The following RASSF5 variants were observed in gnomAD, a reference collection of about 807,000 sequenced individuals.
RASSF5 encodes the protein ras association domain-containing protein 5.
A neutral mutation model predicts 40.5 loss-of-function variants in RASSF5; 25 were observed. The observed-to-expected ratio is 0.62, with a 90% CI of 0.45 to 0.86. The LOEUF (loss-of-function observed/expected upper bound fraction) is 0.86. Ranked by LOEUF, RASSF5 falls within the 40% of genes least tolerant of loss-of-function variation. The pLI, the probability that RASSF5 is intolerant of heterozygous loss-of-function variation, is 0.00. For missense variants in RASSF5, 521 were observed against 572.8 expected (o/e 0.91, Z 0.92); for synonymous variants, 246 against 252.4 (o/e 0.97, Z 0.24).
In RASSF5 at chr1:206,529,590, A is replaced by G. The variant is rs190435103; in HGVS notation, c.458-8582A>G. 558 of 785,246 alleles carry G rather than the reference A, an allele frequency of 7.1e-4. 6 individuals are homozygous for G. The highest frequency in any genetic ancestry group is 4.8e-5 in the Non-Finnish European group (21 of 438,460). The allele number at this position is 785,246 out of a possible 1,614,324, so 48.6% of individuals were successfully genotyped here. ...AGCTATCAGGACCGATTACAATGAC[A>G]GATACAATGACATCCACTGTCACTG... is the stretch of plus-strand genomic sequence containing the variant. On this transcript the variant is annotated intron_variant, in intron 1 of 5. Coordinates refer to ENST00000579436, the MANE Select transcript of RASSF5 (RefSeq NM_182663.4).
At chr1:206,553,735 G>T (rs1463113851) in intron 2 of RASSF5, among the ~76,000 whole-genome samples, 1 of 152,196 alleles carries the variant, frequency 6.6e-6, no homozygotes, top group African/African-American at 2.4e-5. Context: ...ACCCCAGGAA[G>T]CTGAAAGGAA....
intron 2 of RASSF5, among the ~76,000 whole-genome samples, chr1:206,566,861 G>C (rs1553403471): frequency 1.3e-5 from 2 of 152,160 alleles, no homozygotes; most frequent in Admixed American, 6.5e-5. Context: ...ACCATAGCTT[G>C]TTCATCACTG....
chr1:206,572,863 T>C (rs1354457913), intron 2 of RASSF5, among the ~76,000 whole-genome samples: 1 of 152,206 alleles, frequency 6.6e-6, no homozygotes, highest in Non-Finnish European at 1.5e-5. Flanking sequence ...CAAAAGTTCT[T>C]AGGACCCATG....
intron 1 of RASSF5, among the ~76,000 whole-genome samples, chr1:206,510,163 T>C (rs1553394441): frequency 6.6e-6 from 1 of 152,260 alleles, no homozygotes; most frequent in African/African-American, 2.4e-5. Flanking sequence ...CCAAACTCGC[T>C]GAGCATCTTT....
intron 2 of RASSF5, among the ~76,000 whole-genome samples, chr1:206,561,235 T>C (rs1278678278): frequency 6.6e-6 from 1 of 152,198 alleles, no homozygotes; most frequent in Non-Finnish European, 1.5e-5. Context: ...AGGCCACACA[T>C]CTGTTTGGGT....
intron 2 of RASSF5, among the ~76,000 whole-genome samples, chr1:206,570,449 G>A (rs1553404034): frequency 6.6e-6 from 1 of 151,986 alleles, no homozygotes; most frequent in African/African-American, 2.4e-5. Context: ...ACCTCACATT[G>A]TTGTACAACC....
In RASSF5 at chr1:206,528,960, G is replaced by A. The variant is rs114698757; in HGVS notation, c.458-9212G>A. ...CAAGGGGAAGAAGGTGGCTCCTGTC[G>A]TGAAGAAGCAGGAGGCCAAGGAAGT... is the stretch of plus-strand genomic sequence containing the variant. On this transcript the variant is annotated intron_variant, in intron 1 of 5. Transcript: ENST00000579436. The A allele has an allele frequency of 3.0e-3, 1,955 of 661,046 alleles. 31 individuals carry two copies. In the African/African-American group the frequency reaches 0.032, roughly 11 times the overall value. 40.9% of individuals were successfully genotyped at this position (661,046 alleles called of 1,614,324 possible).
At chr1:206,545,870 GT>G (rs1207071768) in intron 2 of RASSF5, among the ~76,000 whole-genome samples, 15 of 143,736 alleles carry the variant, frequency 1.0e-4, no homozygotes, top group East Asian at 1.0e-3. Context: ...GTTGGATCTT[GT>G]TTTTTTTTAA....
At chr1:206,546,087 CTATTTTTTTTTTTTTTTTTTTT>C (rs1667680042) in intron 2 of RASSF5, among the ~76,000 whole-genome samples, 12 of 26,440 alleles carry the variant, frequency 4.5e-4, no homozygotes, top group African/African-American at 1.7e-3. Flanking sequence ...TCTTCTTTTT[CTATTTTTTTTTTTTTTTTTTTT>C]TTTTTTTTTT....
intron 2 of RASSF5, among the ~76,000 whole-genome samples, chr1:206,548,909 G>A (rs1462711172): frequency 2.6e-5 from 4 of 151,742 alleles, no homozygotes; most frequent in African/African-American, 7.3e-5. Context: ...TCTGTTGCCC[G>A]GGCTGGAGTG....
chr1:206,566,699 C>G (rs1330148847), intron 2 of RASSF5, among the ~76,000 whole-genome samples: 1 of 152,174 alleles, frequency 6.6e-6, no homozygotes, highest in African/African-American at 2.4e-5. Context: ...GGCGTGGGTT[C>G]AGGAGGAGAA....
intron 1 of RASSF5, among the ~76,000 whole-genome samples, chr1:206,528,139 G>A (rs181181039): frequency 3.3e-5 from 5 of 151,946 alleles, no homozygotes; most frequent in Admixed American, 3.3e-4. Flanking sequence ...TCCAGATAAC[G>A]GAATATTATT....
intron 1 of RASSF5, chr1:206,518,582 C>A: frequency 2.5e-6 from 1 of 398,636 alleles, no homozygotes; most frequent in South Asian, 1.3e-4. Flanking sequence ...AGCTTGGGTT[C>A]TGAGGCCTCT....
chr1:206,534,083 G>A (rs782282675), intron 1 of RASSF5, among the ~76,000 whole-genome samples: 1 of 152,206 alleles, frequency 6.6e-6, no homozygotes, highest in Non-Finnish European at 1.5e-5. Flanking sequence ...CCAGAACTGC[G>A]AGACAGTAAT....
At chr1:206,533,398 A>G (rs1397824097) in intron 1 of RASSF5, among the ~76,000 whole-genome samples, 7 of 152,062 alleles carry the variant, frequency 4.6e-5, no homozygotes, top group South Asian at 2.1e-4. Context: ...TGCTCCTAAT[A>G]TGGCCCAGGG....
rs182595093 is a variant in RASSF5 at position 206,509,781 on chromosome 1, T to A, written c.457+1722T>A. Among the ~76,000 whole-genome samples the A allele has an allele frequency of 6.6e-5, 10 of 152,172 alleles. No individual in the cohort carries two copies. In the East Asian group the frequency reaches 1.9e-3, roughly 29 times the overall value. On this transcript the variant is annotated intron_variant, in intron 1 of 5. Transcript: ENST00000579436. ...GCGTTTGTGTGTATTTGCGTGTGCCTGTGTGTGATACTCCATGACTAAATG... is the reference window on the plus strand; with the variant it reads ...GCGTTTGTGTGTATTTGCGTGTGCCAGTGTGTGATACTCCATGACTAAATG...
chr1:206,524,372 G>A (rs1196165311), intron 1 of RASSF5, among the ~76,000 whole-genome samples: 1 of 135,114 alleles, frequency 7.4e-6, no homozygotes, highest in African/African-American at 2.7e-5. Context: ...GATACCATAT[G>A]TAATACATTT....
intron 1 of RASSF5, among the ~76,000 whole-genome samples, chr1:206,522,912 A>G (rs1207299199): frequency 1.3e-5 from 2 of 152,226 alleles, no homozygotes; most frequent in African/African-American, 4.8e-5. Context: ...TAAGATGACT[A>G]GATTCATTTA....
intron 1 of RASSF5, among the ~76,000 whole-genome samples, chr1:206,516,890 C>CAGCA (rs1485844006): frequency 2.0e-5 from 3 of 152,136 alleles, no homozygotes; most frequent in Admixed American, 6.6e-5. Context: ...GTGCAAGGAC[C>CAGCA]AGCAGGGCAA....
Sources: gnomAD v4.1 joint callset for allele counts (sites outside exome capture counted in the v4.1 genomes callset) on GRCh38, gnomAD v4.1.1 for gene constraint, MANE v1.5 for transcripts, NCBI Gene and HGNC (gene_info 2026-07-23, HGNC 2026-07-21) for gene names.